The following SGIP1 variants were observed in gnomAD, a reference collection of about 807,000 sequenced individuals.
SGIP1 encodes the protein SH3-containing GRB2-like protein 3-interacting protein 1.
In SGIP1, 38 loss-of-function variants were observed where a neutral mutation model predicts 107.5. The observed-to-expected ratio is 0.35, with a 90% CI of 0.27 to 0.46. The LOEUF (loss-of-function observed/expected upper bound fraction) is 0.46, where lower values mean the gene tolerates loss of function less well. SGIP1 is among the 20% of genes least tolerant of loss of function. The pLI, the probability that SGIP1 is intolerant of heterozygous loss-of-function variation, is 1.00. For synonymous variants in SGIP1, 365 were observed against 366.1 expected, an observed-to-expected ratio of 1.00 and a Z score of 0.03; for missense variants, 929 against 1,019.5, an observed-to-expected ratio of 0.91 and a Z score of 1.21.
At chr1:66,713,867 T>C (rs1319604060) in intron 18 of SGIP1, among the ~76,000 whole-genome samples, 1 of 152,166 alleles carries the variant, frequency 6.6e-6, no homozygotes, top group East Asian at 1.9e-4. Flanking sequence ...AATAGCCACC[T>C]ATGTGATATG....
At chr1:66,567,256 A>G (rs188562250) in intron 1 of SGIP1, among the ~76,000 whole-genome samples, 4 of 152,262 alleles carry the variant, frequency 2.6e-5, no homozygotes, top group Non-Finnish European at 4.4e-5. Context: ...TCTAATGACC[A>G]GTGATGATGA....
chr1:66,555,553 C>T (rs1183833613), intron 1 of SGIP1, among the ~76,000 whole-genome samples: 1 of 152,142 alleles, frequency 6.6e-6, no homozygotes, highest in East Asian at 1.9e-4. Flanking sequence ...GTTGAATTAA[C>T]AAATGACTCC....
At chr1:66,660,681 C>A (rs898388734) in intron 8 of SGIP1, among the ~76,000 whole-genome samples, 157 bp downstream of exon 8, 21 of 152,042 alleles carry the variant, frequency 1.4e-4, no homozygotes, top group African/African-American at 4.1e-4. Context: ...CTCATTATGC[C>A]ACATGGGAAA....
At chr1:66,556,308 C>T (rs2058164623) in intron 1 of SGIP1, among the ~76,000 whole-genome samples, 1 of 152,060 alleles carries the variant, frequency 6.6e-6, no homozygotes, top group South Asian at 2.1e-4. Context: ...CCTTTGAATT[C>T]GCGGGCCCTC....
At chr1:66,654,831 G>T (rs1013547471) in intron 7 of SGIP1, among the ~76,000 whole-genome samples, 4 of 152,336 alleles carry the variant, frequency 2.6e-5, no homozygotes, top group Non-Finnish European at 5.9e-5. Flanking sequence ...CAGAAGAGGT[G>T]CAGAGCTGTG....
intron 1 of SGIP1, among the ~76,000 whole-genome samples, chr1:66,552,551 G>T (rs1185969429): frequency 6.6e-6 from 1 of 152,102 alleles, no homozygotes; most frequent in Admixed American, 6.6e-5. Flanking sequence ...GCATTGATAA[G>T]ACAGCAGCCT....
chr1:66,689,199 C>T lies in SGIP1; in HGVS notation c.1367C>T (p.Thr456Ile). Residue 456 changes from threonine (T) to isoleucine (I), a missense_variant, in exon 16 of 25, where the codon ACC (threonine) becomes ATC (isoleucine). Thr to Ile is a moderately conservative substitution (Grantham distance 89, BLOSUM62 -1). Coordinates refer to ENST00000371037, the MANE Select transcript of SGIP1 (RefSeq NM_032291.4). ...ACTCCTTTGGTTCCTTGCAGAAGTACCACTCCACCTCCACCTCCTCCCCGG... is the reference window on the plus strand; with the variant it reads ...ACTCCTTTGGTTCCTTGCAGAAGTATCACTCCACCTCCACCTCCTCCCCGG... Reference protein sequence around the residue: ...PATPLVPCRSTTPPPPPPRPP... With the variant: ...PATPLVPCRSITPPPPPPRPP... 6.2e-7 allele frequency: 1 copy of T among 1,613,876 alleles called. No homozygotes were observed. Among genetic ancestry groups the T allele is most frequent in the Admixed American group, 1.7e-5 (1 of 60,010 alleles).
chr1:66,545,281 CCTTGCCATTCT>C (rs149656271), intron 1 of SGIP1, among the ~76,000 whole-genome samples: 25,612 of 152,132 alleles, frequency 0.17, 2,403 homozygotes, highest in East Asian at 0.37. Context: ...AGACAGAGCT[CCTTGCCATTCT>C]CTTGCCCTTG....
intron 18 of SGIP1, among the ~76,000 whole-genome samples, chr1:66,713,121 T>C (rs1285920350): frequency 2.0e-5 from 3 of 152,078 alleles, no homozygotes; most frequent in African/African-American, 7.2e-5. Context: ...CACAGTTCTG[T>C]TTTGATTGTT....
chr1:66,567,159 T>A (rs6687137), intron 1 of SGIP1, among the ~76,000 whole-genome samples: 11 of 151,916 alleles, frequency 7.2e-5, no homozygotes, highest in South Asian at 4.2e-4. Context: ...CCACAGCCTC[T>A]CCAGCATCTA....
intron 7 of SGIP1, among the ~76,000 whole-genome samples, chr1:66,657,587 GAC>G (rs1461477311): frequency 6.7e-6 from 1 of 150,330 alleles, no homozygotes; most frequent in Non-Finnish European, 1.5e-5. Context: ...GCCAGAGAGA[GAC>G]AGAGAGAGAG....
rs148538421 is a variant in SGIP1, at chr1:66,568,754, C to G, written c.10+34386C>G. On this transcript the variant is annotated intron_variant, in intron 1 of 24. Transcript: ENST00000371037. The stretch of plus-strand genomic sequence containing the variant: ...ATGTAATCCATCACATAAATAGAAC[C>G]AATGACAAAAACCACATGATTATCT... Among the ~76,000 whole-genome samples, 1,460 of 151,948 alleles carry G rather than the reference C, an allele frequency of 9.6e-3. 28 individuals are homozygous for G. Among genetic ancestry groups the G allele is most frequent in the African/African-American group, 0.034 (1,397 of 41,458 alleles).
chr1:66,668,938 G>T (rs2149809732), intron 9 of SGIP1, among the ~76,000 whole-genome samples: 1 of 152,338 alleles, frequency 6.6e-6, no homozygotes, highest in African/African-American at 2.4e-5. Flanking sequence ...AATGTGGTTT[G>T]TGTGGTCGAC....
In SGIP1 at chr1:66,750,032, T is replaced by G. The variant is rs866453614; in HGVS notation, c.*6937T>G. ...CTCTCTCTCTTTCTCTGTGTGTGTGTGGGGGTGTGTGTGTGTGTGTGTGTG... is the reference window on the plus strand; with the variant it reads ...CTCTCTCTCTTTCTCTGTGTGTGTGGGGGGGTGTGTGTGTGTGTGTGTGTG... On this transcript the variant is annotated 3_prime_UTR_variant, in exon 25 of 25. Transcript: ENST00000371037. 1.7e-4 allele frequency among the ~76,000 whole-genome samples: 15 copies of G among 89,630 alleles called. No homozygotes were observed. In the South Asian group the frequency reaches 2.3e-3, roughly 14 times the overall value. 58.8% of individuals were successfully genotyped at this position (89,630 alleles called of 152,430 possible).
At chr1:66,705,902 G>A (rs1267172093) in intron 18 of SGIP1, among the ~76,000 whole-genome samples, 3 of 152,082 alleles carry the variant, frequency 2.0e-5, no homozygotes, top group Non-Finnish European at 4.4e-5. Context: ...GAGAGCATTA[G>A]AACAAATACC....
chr1:66,632,844 T>G (rs2075055349), intron 2 of SGIP1, among the ~76,000 whole-genome samples: 1 of 152,170 alleles, frequency 6.6e-6, no homozygotes, highest in Non-Finnish European at 1.5e-5. Context: ...CATGTGGCTT[T>G]GGGCTGCAAT....
intron 21 of SGIP1, among the ~76,000 whole-genome samples, chr1:66,734,936 T>G (rs1312853899): frequency 6.6e-6 from 1 of 152,206 alleles, no homozygotes; most frequent in African/African-American, 2.4e-5. Flanking sequence ...ACGTATTACC[T>G]CACATAGTTA....
At chr1:66,605,959 A>G (rs556927289) in intron 1 of SGIP1, among the ~76,000 whole-genome samples, 11 of 152,188 alleles carry the variant, frequency 7.2e-5, no homozygotes, top group Admixed American at 2.0e-4. Context: ...TCACCTGAGT[A>G]TTCTAGAAGG....
chr1:66,729,439 A>C lies in SGIP1; in HGVS notation c.1898+20A>C. Reference sequence around the variant, plus strand: ...CTGCTGGTAAATATGATTTTGCATAAATTTTTCAGAGATACATGTGGCTTA... The same window carrying C: ...CTGCTGGTAAATATGATTTTGCATACATTTTTCAGAGATACATGTGGCTTA... On this transcript the variant is annotated intron_variant, in intron 20 of 24. Transcript: ENST00000371037. 6.2e-7 allele frequency: 1 copy of C among 1,613,894 alleles called. No individual in the cohort carries two copies. The highest frequency in any genetic ancestry group is 1.1e-5 in the South Asian group (1 of 91,042).
Sources: gnomAD v4.1 joint callset for allele counts (sites outside exome capture counted in the v4.1 genomes callset) on GRCh38, gnomAD v4.1.1 for gene constraint, MANE v1.5 for transcripts, NCBI Gene and HGNC (gene_info 2026-07-23, HGNC 2026-07-21) for gene names.